The following CAMK2B variants were observed in gnomAD, a reference collection of about 807,000 sequenced individuals.
CAMK2B encodes the protein calcium/calmodulin-dependent protein kinase type II subunit beta.
A neutral mutation model predicts 93.7 loss-of-function variants in CAMK2B; 27 were observed. The observed-to-expected ratio is 0.29, with a 90% CI of 0.21 to 0.40. The LOEUF is 0.40. CAMK2B is among the 10% of genes least tolerant of loss of function. The probability of loss-of-function intolerance (pLI) is 1.00; values close to 1 mark genes in which losing one functional copy is unlikely to be tolerated. For missense variants in CAMK2B, 568 were observed against 895.8 expected (o/e 0.63, Z 4.67); for synonymous variants, 374 against 358.8 (o/e 1.04, Z -0.48).
intron 2 of CAMK2B, among the ~76,000 whole-genome samples, chr7:44,279,349 A>C (rs912607903): frequency 2.0e-5 from 3 of 152,248 alleles, no homozygotes; most frequent in African/African-American, 7.2e-5. Context: ...AAAAATGCCC[A>C]AGAAAATGGC....
intron 2 of CAMK2B, among the ~76,000 whole-genome samples, chr7:44,273,896 C>T (rs1013673831): frequency 1.3e-5 from 2 of 152,142 alleles, no homozygotes; most frequent in Non-Finnish European, 2.9e-5. Flanking sequence ...CCAGGGAGCA[C>T]AGCCCGAGGC....
In CAMK2B at chr7:44,242,303, G is replaced by A. The variant is rs1256260822; in HGVS notation, c.734C>T (p.Ala245Val). Residue 245 changes from alanine (A) to valine (V), a missense_variant, in exon 10 of 24, where the codon GCC (alanine) becomes GTC (valine). By Grantham distance (64) the Ala-to-Val change is moderately conservative. Coordinates refer to ENST00000395749, the MANE Select transcript of CAMK2B (RefSeq NM_001220.5). ...SPEWDTVTPE[A>V]KNLINQMLTI... ...CAGCATCTGGTTGATGAGGTTTTTG[G>A]CTTCAGGAGTGACGGTGTCCCACTC... is the stretch of plus-strand genomic sequence containing the variant. 1 of 1,613,964 alleles carries A rather than the reference G, an allele frequency of 6.2e-7. No individual in the cohort carries two copies. The highest frequency in any genetic ancestry group is 8.5e-7 in the Non-Finnish European group (1 of 1,179,932).
chr7:44,243,220 T>C, intron 8 of CAMK2B, 30 bp downstream of exon 8: 1 of 1,569,788 alleles, frequency 6.4e-7, no homozygotes, highest in Non-Finnish European at 8.8e-7. Context: ...CCCGAGGCCC[T>C]GCCCCGCACC....
rs1785044597 is a variant in CAMK2B, at chr7:44,286,210, G to GGTTTC, written c.66-1986_66-1985insGAAAC. Among the ~76,000 whole-genome samples, 1 of 152,002 alleles carries GGTTTC rather than the reference G, an allele frequency of 6.6e-6. No homozygotes were observed. The highest frequency in any genetic ancestry group is 1.5e-5 in the Non-Finnish European group (1 of 68,004). On this transcript the variant is annotated intron_variant, in intron 1 of 23. Coordinates refer to ENST00000395749, the MANE Select transcript of CAMK2B (RefSeq NM_001220.5). The surrounding 1 kb of genome is among the most constrained non-coding windows in gnomAD (Gnocchi z 4.0). ...CGGACTTCTTGCTCAGGAGAGGTAAGAGCTTCCCGAAACCAGTCCTGAGCT... is the reference window on the plus strand; with the variant it reads ...CGGACTTCTTGCTCAGGAGAGGTAAGGTTTCAGCTTCCCGAAACCAGTCCTGAGCT...
At chr7:44,249,684 G>A (rs919741624) in intron 5 of CAMK2B, among the ~76,000 whole-genome samples, 6 of 152,138 alleles carry the variant, frequency 3.9e-5, no homozygotes, top group Non-Finnish European at 8.8e-5. Flanking sequence ...GCCACCTCCC[G>A]GGACACCAAC....
intron 2 of CAMK2B, 59 bp from the exon 3 acceptor site, chr7:44,263,123 T>A: frequency 6.5e-7 from 1 of 1,541,980 alleles, no homozygotes; most frequent in Non-Finnish European, 8.9e-7. Context: ...GGCCCAGGGA[T>A]CGTCCATGTC....
In CAMK2B at chr7:44,325,462, G is replaced by C. The variant is rs1408751429; in HGVS notation, c.-41C>G. The C allele has an allele frequency of 1.6e-5, 16 of 1,030,478 alleles. No individual in the cohort carries two copies. The highest frequency in any genetic ancestry group is 1.9e-5 in the Non-Finnish European group (16 of 850,334). The allele number at this position is 1,030,478 out of a possible 1,614,324, so 63.8% of individuals were successfully genotyped here. A position where few individuals can be genotyped will look rare whatever the true frequency, so the allele number is the denominator to read the frequency against. ...GCTCGGCGTGCGCTCGGCTGCGCTC[G>C]GGCGGCGGCGACTCCGGCTCCCGCT... On this transcript the variant is annotated 5_prime_UTR_variant, in exon 1 of 24. Coordinates refer to ENST00000395749, the MANE Select transcript of CAMK2B (RefSeq NM_001220.5).
Position 44,271,727 on chromosome 7 carries a change from A to C in CAMK2B, c.161-8663T>G, listed in dbSNP as rs1055538657. Among the ~76,000 whole-genome samples, 10 of 152,196 alleles carry C rather than the reference A, an allele frequency of 6.6e-5. No homozygotes were observed. Among genetic ancestry groups the C allele is most frequent in the Non-Finnish European group, 2.9e-5 (2 of 68,032 alleles). ...TCCCTGGCTGGTAAATGTGAAGTAG[A>C]ACCAGTCCTGACCCCAAAGTCAGCT... On this transcript the variant is annotated intron_variant, in intron 2 of 23. Transcript: ENST00000395749. This position sits in a 1 kb window ranked among gnomAD's most constrained non-coding sequence, Gnocchi z 4.2.
At position 44,247,864 on chromosome 7, in the gene CAMK2B, C is replaced by T. The variant is rs552792581; in HGVS notation, c.342-672G>A. Among the ~76,000 whole-genome samples the T allele has an allele frequency of 8.9e-4, 135 of 152,230 alleles. 1 individual carries two copies. Among genetic ancestry groups the T allele is most frequent in the Admixed American group, 1.9e-3 (29 of 15,294 alleles). On this transcript the variant is annotated intron_variant, in intron 5 of 23. Coordinates refer to ENST00000395749, the MANE Select transcript of CAMK2B (RefSeq NM_001220.5). The stretch of plus-strand genomic sequence containing the variant: ...CCAACATGGCGAAACCCCGTCTCTA[C>T]TAAAAATACAAAAATTAGCTGGGTG...
At chr7:44,265,425 A>G (rs1398103055) in intron 2 of CAMK2B, among the ~76,000 whole-genome samples, 5 of 152,262 alleles carry the variant, frequency 3.3e-5, no homozygotes, top group Non-Finnish European at 2.9e-5. Flanking sequence ...AGGACCACAC[A>G]TCGCCACGGG....
intron 1 of CAMK2B, among the ~76,000 whole-genome samples, chr7:44,320,460 T>C (rs1359221486): frequency 3.3e-5 from 5 of 152,166 alleles, no homozygotes; most frequent in Admixed American, 2.6e-4. Context: ...TCCTGGGGAA[T>C]GGGGCTTCTC....
rs374028631 is a variant in CAMK2B at position 44,285,448 on chromosome 7, C to G, written c.66-1223G>C. On this transcript the variant is annotated intron_variant, in intron 1 of 23. Coordinates refer to ENST00000395749, the MANE Select transcript of CAMK2B (RefSeq NM_001220.5). The stretch of plus-strand genomic sequence containing the variant: ...CACCTGCAAAGTGCCCAGCCTCCCC[C>G]CTACAGGAACAGCCTCCCCTCCCAG... Among the ~76,000 whole-genome samples, 59 of 152,296 alleles carry G rather than the reference C, an allele frequency of 3.9e-4. No homozygotes were observed. The East Asian group carries it at 6.8e-3, about 18-fold the overall frequency.
At chr7:44,275,137 C>T (rs1402875644) in intron 2 of CAMK2B, among the ~76,000 whole-genome samples, 1 of 152,028 alleles carries the variant, frequency 6.6e-6, no homozygotes, top group East Asian at 1.9e-4. Flanking sequence ...CCCCTCCCCT[C>T]CCTCCCTTCC....
At chr7:44,290,791 G>C (rs1362435530) in intron 1 of CAMK2B, among the ~76,000 whole-genome samples, 1 of 152,092 alleles carries the variant, frequency 6.6e-6, no homozygotes, top group Non-Finnish European at 1.5e-5. Flanking sequence ...AGGTTGTTGT[G>C]GGTTTTTTCT....
At position 44,224,413 on chromosome 7, in the gene CAMK2B, G is replaced by A. The variant is rs1304352030; in HGVS notation, c.1597+2103C>T. Among the ~76,000 whole-genome samples the A allele has an allele frequency of 2.0e-5, 3 of 152,258 alleles. No homozygotes were observed. Among genetic ancestry groups the A allele is most frequent in the South Asian group, 2.1e-4 (1 of 4,828 alleles). ...GCCCGGGTCGGGAAACCTGCTGGCT[G>A]AGGACAAGCTGTCCTGGCAGTTCCA... On this transcript the variant is annotated intron_variant, in intron 20 of 23. Coordinates refer to ENST00000395749, the MANE Select transcript of CAMK2B (RefSeq NM_001220.5). The surrounding 1 kb of genome is among the most constrained non-coding windows in gnomAD (Gnocchi z 4.4).
rs750448594 is a variant in CAMK2B at position 44,220,743 on chromosome 7, G to A, written c.1674-33C>T. On this transcript the variant is annotated intron_variant, in intron 21 of 23. Transcript: ENST00000395749. ...CCAAATCCAAGTGAGGAGGGGCCCC[G>A]TGGACCCCTGACTCTGAGCAGGCCC... 14 of 1,584,092 alleles carry A rather than the reference G, an allele frequency of 8.8e-6. 1 individual carries two copies. Among genetic ancestry groups the A allele is most frequent in the South Asian group, 6.9e-5 (6 of 87,246 alleles).
chr7:44,256,679 G>A (rs2096836784), intron 4 of CAMK2B, among the ~76,000 whole-genome samples: 1 of 152,242 alleles, frequency 6.6e-6, no homozygotes. Context: ...GCCGAGTCCA[G>A]GCACAGAACA....
chr7:44,254,516 G>T (rs111497300), intron 5 of CAMK2B, 26 bp downstream of exon 5: 3 of 1,569,352 alleles, frequency 1.9e-6, no homozygotes, highest in Admixed American at 1.7e-5. Flanking sequence ...AAGAGGGACA[G>T]GACAGCGTGA....
chr7:44,308,371 C>A (rs1366747601), intron 1 of CAMK2B, among the ~76,000 whole-genome samples: 1 of 152,110 alleles, frequency 6.6e-6, no homozygotes, highest in African/African-American at 2.4e-5. Context: ...GGAAGAGAGA[C>A]AGGGCCTGCC....
Sources: allele counts gnomAD v4.1 joint callset (sites outside exome capture counted in the v4.1 genomes callset), GRCh38; gene constraint gnomAD v4.1.1; non-coding constraint Gnocchi (gnomAD v3.1); transcripts MANE v1.5; gene names NCBI Gene and HGNC (gene_info 2026-07-23, HGNC 2026-07-21).